Variants in GRIN2B observed in about 807,000 individuals in gnomAD.
GRIN2B encodes the protein glutamate ionotropic receptor NMDA type subunit 2B, also known as glutamate receptor ionotropic, NMDA 2B.
GRIN2B carries 5 observed loss-of-function variants against 114.5 expected under a neutral mutation model. That is an observed-to-expected ratio of 0.04 (90% CI 0.02 to 0.09). The LOEUF is 0.09. Ranked by LOEUF, GRIN2B falls within the 10% of genes least tolerant of loss-of-function variation. The pLI is 1.00. For missense variants in GRIN2B, 1,108 were observed against 1,943.5 expected (o/e 0.57, Z 8.08); for synonymous variants, 787 against 745.1 (o/e 1.06, Z -0.92).
rs1025540767 is a variant in GRIN2B, at chr12:13,797,529, T to C, written c.412-43614A>G. Among the ~76,000 whole-genome samples the C allele has an allele frequency of 5.3e-5, 8 of 152,186 alleles. 1 individual carries two copies. Among genetic ancestry groups the C allele is most frequent in the African/African-American group, 1.4e-4 (6 of 41,448 alleles). On this transcript the variant is annotated intron_variant, in intron 3 of 13. Transcript: ENST00000609686. Reference sequence around the variant, plus strand: ...TATAGTTTTGAAGAATCCCTAATGGTTCTCAGAATGTGGGTAGGACCTGCT... The same window carrying C: ...TATAGTTTTGAAGAATCCCTAATGGCTCTCAGAATGTGGGTAGGACCTGCT...
chr12:13,789,164 A>G (rs895084283), intron 3 of GRIN2B, among the ~76,000 whole-genome samples: 1 of 152,170 alleles, frequency 6.6e-6, no homozygotes, highest in African/African-American at 2.4e-5. Context: ...ATAGACTTGC[A>G]TGTCAGAGGT....
chr12:13,676,218 G>A (rs1950072841), intron 4 of GRIN2B, among the ~76,000 whole-genome samples: 1 of 152,058 alleles, frequency 6.6e-6, no homozygotes, highest in Non-Finnish European at 1.5e-5. Flanking sequence ...GAGAGCATCA[G>A]GAAAAACAGC....
At chr12:13,847,599 G>A (rs1234169421) in intron 3 of GRIN2B, among the ~76,000 whole-genome samples, 2 of 152,148 alleles carry the variant, frequency 1.3e-5, no homozygotes, top group Non-Finnish European at 2.9e-5. Context: ...GTGTGGAACA[G>A]TGGGTCACAG....
intron 2 of GRIN2B, among the ~76,000 whole-genome samples, chr12:13,897,712 A>G (rs1267472347): frequency 6.6e-6 from 1 of 152,196 alleles, no homozygotes; most frequent in Non-Finnish European, 1.5e-5. Flanking sequence ...ATAACAGCCT[A>G]TGAATCTTTA....
intron 2 of GRIN2B, among the ~76,000 whole-genome samples, chr12:13,961,540 G>A (rs1195650757): frequency 6.6e-6 from 1 of 152,134 alleles, no homozygotes; most frequent in East Asian, 1.9e-4. Flanking sequence ...ATATGTAGGA[G>A]AAAATGTAAC....
intron 4 of GRIN2B, among the ~76,000 whole-genome samples, chr12:13,693,881 C>T (rs1475065152): frequency 6.6e-6 from 1 of 152,090 alleles, no homozygotes; most frequent in African/African-American, 2.4e-5. Flanking sequence ...AGAAAAGTGT[C>T]CTTCTGCACT....
intron 5 of GRIN2B, among the ~76,000 whole-genome samples, chr12:13,674,734 A>G (rs1565496171): frequency 6.6e-6 from 1 of 152,146 alleles, no homozygotes; most frequent in Non-Finnish European, 1.5e-5. Flanking sequence ...GTTTCCCAAC[A>G]TGTTTTCACA....
Position 13,865,891 on chromosome 12 carries a change from T to C in GRIN2B, c.318A>G (p.Glu106=), listed in dbSNP as rs771324978. Residue 106 remains glutamate (E), a synonymous_variant, in exon 3 of 14, where the codon GAA becomes GAG. Transcript: ENST00000609686. Reference sequence around the variant, plus strand: ...TGAAATCGAGGATCTGGGCGATGGCTTCCTGGTCTGTGTCATCAGCAAACA... The same window carrying C: ...TGAAATCGAGGATCTGGGCGATGGCCTCCTGGTCTGTGTCATCAGCAAACA... ...GVVFADDTDQ[E]AIAQILDFIS... 1 of 1,614,000 alleles carries C rather than the reference T, an allele frequency of 6.2e-7. No individual in the cohort carries two copies. The highest frequency in any genetic ancestry group is 1.1e-5 in the South Asian group (1 of 91,066).
intron 5 of GRIN2B, among the ~76,000 whole-genome samples, chr12:13,661,850 A>G (rs543630290): frequency 6.6e-6 from 1 of 152,306 alleles, no homozygotes; most frequent in South Asian, 2.1e-4. Context: ...AATTTTAGAA[A>G]CCAATTTAAT....
At chr12:13,908,253 A>G (rs183513184) in intron 2 of GRIN2B, among the ~76,000 whole-genome samples, 1 of 152,256 alleles carries the variant, frequency 6.6e-6, no homozygotes, top group East Asian at 1.9e-4. Context: ...AAAAAACAGA[A>G]AAGAACATAT....
chr12:13,579,516 A>T (rs1180592844), intron 10 of GRIN2B, among the ~76,000 whole-genome samples: 2 of 152,236 alleles, frequency 1.3e-5, no homozygotes, highest in Non-Finnish European at 1.5e-5. Flanking sequence ...AAGTATTGGC[A>T]CAGTGCCTGG....
Position 13,980,203 on chromosome 12 carries a change from T to C in GRIN2B, c.-294A>G, listed in dbSNP as rs992479480. ...ATCCAGAGTAATTATTCCGTGTGCATGTGAGGTTAGTGGCTGGAATAGATT... is the reference window on the plus strand; with the variant it reads ...ATCCAGAGTAATTATTCCGTGTGCACGTGAGGTTAGTGGCTGGAATAGATT... On this transcript the variant is annotated 5_prime_UTR_variant, in exon 2 of 14. It removes an upstream start codon present in the reference 5' UTR. Coordinates refer to ENST00000609686, the MANE Select transcript of GRIN2B (RefSeq NM_000834.5). The C allele has an allele frequency of 2.6e-5, 4 of 152,094 alleles. No homozygotes were observed. Among genetic ancestry groups the C allele is most frequent in the Non-Finnish European group, 5.9e-5 (4 of 68,030 alleles). The allele number at this position is 152,094 out of a possible 1,614,324, so 9.4% of individuals were successfully genotyped here.
chr12:13,650,922 A>T (rs2136516427), intron 5 of GRIN2B, among the ~76,000 whole-genome samples: 1 of 152,222 alleles, frequency 6.6e-6, no homozygotes, highest in East Asian at 1.9e-4. Flanking sequence ...TAGGTGCTGA[A>T]CAAACTTTTT....
intron 2 of GRIN2B, among the ~76,000 whole-genome samples, chr12:13,888,127 T>C (rs1325034910): frequency 1.3e-5 from 2 of 152,172 alleles, no homozygotes; most frequent in South Asian, 2.1e-4. Flanking sequence ...AAAGAAACAA[T>C]TTTGTTTAAC....
In GRIN2B at chr12:13,580,446, C is replaced by T. The variant is rs1485023860; in HGVS notation, c.2011-8482G>A. On this transcript the variant is annotated intron_variant, in intron 10 of 13. Transcript: ENST00000609686. ...GGGGGCTTTTGTCTTCAAAGCTTGACAATCCTACACATAAATATTCATTCC... is the reference window on the plus strand; with the variant it reads ...GGGGGCTTTTGTCTTCAAAGCTTGATAATCCTACACATAAATATTCATTCC... Among the ~76,000 whole-genome samples the T allele has an allele frequency of 3.3e-5, 5 of 152,344 alleles. No individual in the cohort carries two copies. In the East Asian group the frequency reaches 9.7e-4, roughly 29 times the overall value.
intron 4 of GRIN2B, among the ~76,000 whole-genome samples, chr12:13,694,664 TATATA>T (rs1322839331): frequency 5.5e-5 from 3 of 55,030 alleles, no homozygotes; most frequent in African/African-American, 1.4e-4. Context: ...GTCATATATA[TATATA>T]TATATATATA....
chr12:13,598,874 ACTT>A (rs1565469451), intron 10 of GRIN2B, among the ~76,000 whole-genome samples: 1 of 152,070 alleles, frequency 6.6e-6, no homozygotes, highest in Admixed American at 6.5e-5. Flanking sequence ...AACAGAAACA[ACTT>A]CTGGTACTGA....
chr12:13,935,650 A>G (rs1245677232), intron 2 of GRIN2B, among the ~76,000 whole-genome samples: 2 of 152,212 alleles, frequency 1.3e-5, no homozygotes, highest in African/African-American at 4.8e-5. Flanking sequence ...TGATGGCATT[A>G]TTGTGGGAAT....
At position 13,693,037 on chromosome 12, in the gene GRIN2B, G is replaced by A. The variant is rs142234927; in HGVS notation, c.1011-17178C>T. On this transcript the variant is annotated intron_variant, in intron 4 of 13. Transcript: ENST00000609686. The stretch of plus-strand genomic sequence containing the variant: ...CCTGCCTAGGCCTCCCAGAGTGCTA[G>A]GATTACAGGCGTGAGCCACTGCACC... 7.9e-3 allele frequency among the ~76,000 whole-genome samples: 1,204 copies of A among 152,034 alleles called. 46 individuals carry two copies. In the East Asian group the frequency reaches 0.11, roughly 14 times the overall value.
Sources: gnomAD v4.1 joint callset for allele counts (sites outside exome capture counted in the v4.1 genomes callset) on GRCh38, gnomAD v4.1.1 for gene constraint, MANE v1.5 for transcripts, NCBI Gene and HGNC (gene_info 2026-07-23, HGNC 2026-07-21) for gene names.